The following TBCD variants were observed in gnomAD, a reference collection of about 807,000 sequenced individuals.
The protein encoded by TBCD is tubulin-specific chaperone D.
In TBCD, 105 loss-of-function variants were observed where a neutral mutation model predicts 169.3. That is an observed-to-expected ratio of 0.62 (90% confidence interval 0.53 to 0.73). The LOEUF (loss-of-function observed/expected upper bound fraction) is 0.73, where lower values mean the gene tolerates loss of function less well. Among genes scored for constraint, TBCD ranks in the 30% least tolerant of loss-of-function variants. The pLI, the probability that TBCD is intolerant of heterozygous loss-of-function variation, is 0.00. For synonymous variants in TBCD, 700 were observed against 643.9 expected (o/e 1.09, Z -1.32); for missense variants, 1,444 against 1,600.1 (o/e 0.90, Z 1.66).
chr17:82,856,432 C>A (rs992224556), intron 13 of TBCD, among the ~76,000 whole-genome samples: 4 of 151,712 alleles, frequency 2.6e-5, no homozygotes, highest in African/African-American at 9.7e-5. Flanking sequence ...GATGGTGAGA[C>A]CCTGTCTCTA....
At chr17:82,817,229 C>G (rs901643615) in intron 13 of TBCD, among the ~76,000 whole-genome samples, 1 of 151,564 alleles carries the variant, frequency 6.6e-6, no homozygotes, top group African/African-American at 2.4e-5. Context: ...CTCCTGGGCT[C>G]AAGCCATATT....
intron 2 of TBCD, among the ~76,000 whole-genome samples, chr17:82,760,456 T>TC (rs2047694487): frequency 6.6e-6 from 1 of 152,002 alleles, no homozygotes; most frequent in Non-Finnish European, 1.5e-5. Context: ...TCCTGGAGAC[T>TC]TTTTTTTAGG....
intron 13 of TBCD, among the ~76,000 whole-genome samples, chr17:82,837,261 C>T (rs118047743): frequency 6.4e-4 from 98 of 152,340 alleles, no homozygotes; most frequent in South Asian, 1.4e-3. Context: ...GCCAGTACCT[C>T]AGGCTGTCAC....
At chr17:82,793,028 G>C (rs1008557436) in intron 7 of TBCD, among the ~76,000 whole-genome samples, 1 of 152,092 alleles carries the variant, frequency 6.6e-6, no homozygotes, top group Non-Finnish European at 1.5e-5. Flanking sequence ...CTCCCAAAGC[G>C]CTCGGATTCT....
intron 17 of TBCD, among the ~76,000 whole-genome samples, chr17:82,899,022 C>T (rs993818369): frequency 2.6e-5 from 4 of 152,250 alleles, no homozygotes; most frequent in African/African-American, 7.2e-5. Flanking sequence ...GGCTGCCCCT[C>T]GGGGAAGGTC....
chr17:82,870,779 C>G (rs1377438699), intron 14 of TBCD, among the ~76,000 whole-genome samples: 1 of 152,218 alleles, frequency 6.6e-6, no homozygotes, highest in Non-Finnish European at 1.5e-5. Context: ...TGTGCGTGCT[C>G]CCTGCGGTCG....
chr17:82,794,537 C>G (rs1352837743), intron 7 of TBCD, among the ~76,000 whole-genome samples: 1 of 152,060 alleles, frequency 6.6e-6, no homozygotes, highest in Non-Finnish European at 1.5e-5. Context: ...GGGCTGTGCC[C>G]CCCATTTTAT....
intron 17 of TBCD, among the ~76,000 whole-genome samples, chr17:82,899,742 C>G (rs930643398): frequency 3.3e-5 from 5 of 152,194 alleles, no homozygotes; most frequent in Non-Finnish European, 7.3e-5. Context: ...TGTACTTTCA[C>G]CAGAACGTAT....
At position 82,923,541 on chromosome 17, in the gene TBCD, C is replaced by T. The variant is rs1467556973; in HGVS notation, c.2179-111C>T. On this transcript the variant is annotated intron_variant, in intron 25 of 38. Coordinates refer to ENST00000355528, the MANE Select transcript of TBCD (RefSeq NM_005993.5). The surrounding 1 kb of genome is among the most constrained non-coding windows in gnomAD (Gnocchi z 4.6). Reference sequence around the variant, plus strand: ...GGCTGCTCTGACCTCAGGGTGACCACGGTGTCCCTGGTCAGGTGCTTCTCC... The same window carrying T: ...GGCTGCTCTGACCTCAGGGTGACCATGGTGTCCCTGGTCAGGTGCTTCTCC... 3.8e-5 allele frequency: 33 copies of T among 865,400 alleles called. No homozygotes were observed. The highest frequency in any genetic ancestry group is 5.3e-5 in the Non-Finnish European group (29 of 548,068). 53.6% of individuals were successfully genotyped at this position (865,400 alleles called of 1,614,324 possible).
Position 82,931,734 on chromosome 17 carries a change from C to T in TBCD, c.3114-924C>T, listed in dbSNP as rs2062230451. On this transcript the variant is annotated intron_variant, in intron 33 of 38. Coordinates refer to ENST00000355528, the MANE Select transcript of TBCD (RefSeq NM_005993.5). ...CCAGCTCTCCTGTGTGTTAGTCGGC[C>T]TGTGCTAAAGCTCTCCTGATGCTCC... Among the ~76,000 whole-genome samples, 2 of 152,232 alleles carry T rather than the reference C, an allele frequency of 1.3e-5. 1 individual carries two copies. Among genetic ancestry groups the T allele is most frequent in the African/African-American group, 4.8e-5 (2 of 41,454 alleles).
Position 82,756,365 on chromosome 17 carries a change from A to G in TBCD, c.235+150A>G, listed in dbSNP as rs2047400707. Reference sequence around the variant, plus strand: ...TTGCCTGGCTGGTTGGTTTTAGCCGACCTGTGATAGTGGCTTGAGTTCCAG... The same window carrying G: ...TTGCCTGGCTGGTTGGTTTTAGCCGGCCTGTGATAGTGGCTTGAGTTCCAG... On this transcript the variant is annotated intron_variant, in intron 2 of 38. Coordinates refer to ENST00000355528, the MANE Select transcript of TBCD (RefSeq NM_005993.5). 5 of 770,592 alleles carry G rather than the reference A, an allele frequency of 6.5e-6. No homozygotes were observed. In the Admixed American group the frequency reaches 1.1e-4, roughly 17 times the overall value. The allele number at this position is 770,592 out of a possible 1,614,324, so 47.7% of individuals were successfully genotyped here. A position where few individuals can be genotyped will look rare whatever the true frequency, so the allele number is the denominator to read the frequency against.
At position 82,944,784 on chromosome 17, in the gene TBCD, T is replaced by A. The variant is rs1289807590; in HGVS notation, c.*2321T>A. The A allele has an allele frequency of 2.0e-5, 3 of 152,212 alleles. No individual in the cohort carries two copies. The highest frequency in any genetic ancestry group is 6.5e-5 in the Admixed American group (1 of 15,292). 9.4% of individuals were successfully genotyped at this position (152,212 alleles called of 1,614,324 possible). ...CCTTGGAGATCCTGAGGGTTTCTGCTGAGCCCTGGAATCTAGTCACGCTAT... is the reference window on the plus strand; with the variant it reads ...CCTTGGAGATCCTGAGGGTTTCTGCAGAGCCCTGGAATCTAGTCACGCTAT... On this transcript the variant is annotated 3_prime_UTR_variant, in exon 39 of 39. Coordinates refer to ENST00000355528, the MANE Select transcript of TBCD (RefSeq NM_005993.5).
chr17:82,753,901 T>G (rs2047258492), intron 1 of TBCD, among the ~76,000 whole-genome samples: 1 of 148,980 alleles, frequency 6.7e-6, no homozygotes, highest in Non-Finnish European at 1.5e-5. Flanking sequence ...GGAGTCTCAC[T>G]TTGTCCCCCA....
chr17:82,755,174 A>T (rs778397108), intron 1 of TBCD, among the ~76,000 whole-genome samples: 2 of 152,218 alleles, frequency 1.3e-5, no homozygotes, highest in Non-Finnish European at 2.9e-5. Context: ...GAAAGAGTTT[A>T]TCTGAAGACC....
At chr17:82,787,882 A>G (rs1436637627) in intron 7 of TBCD, among the ~76,000 whole-genome samples, 1 of 152,210 alleles carries the variant, frequency 6.6e-6, no homozygotes, top group African/African-American at 2.4e-5. Context: ...GTTTAGTCCC[A>G]ATTTAAGCAT....
intron 13 of TBCD, among the ~76,000 whole-genome samples, chr17:82,852,294 G>A (rs1231861581): frequency 2.0e-5 from 3 of 152,244 alleles, no homozygotes; most frequent in East Asian, 1.9e-4. Flanking sequence ...GTCCGTGGGC[G>A]ATGCAGCCCC....
intron 9 of TBCD, among the ~76,000 whole-genome samples, chr17:82,802,495 C>G (rs1461105700): frequency 6.6e-6 from 1 of 152,196 alleles, no homozygotes; most frequent in African/African-American, 2.4e-5. Context: ...TCCAGAGAAG[C>G]AGAGCCCATA....
At chr17:82,775,903 T>TA (rs200684153) in intron 6 of TBCD, among the ~76,000 whole-genome samples, 73 of 151,048 alleles carry the variant, frequency 4.8e-4, no homozygotes, top group Middle Eastern at 3.4e-3. Flanking sequence ...ATAAAAAAAT[T>TA]AAAAAAAAAC....
At chr17:82,802,666 C>G (rs1244002409) in intron 9 of TBCD, among the ~76,000 whole-genome samples, 3 of 152,228 alleles carry the variant, frequency 2.0e-5, no homozygotes, top group Non-Finnish European at 2.9e-5. Context: ...AGGGCTTCCC[C>G]CCTCCTCAGG....
Sources: gnomAD v4.1 joint callset for allele counts (sites outside exome capture counted in the v4.1 genomes callset) on GRCh38, gnomAD v4.1.1 for gene constraint, Gnocchi (gnomAD v3.1) non-coding constraint, MANE v1.5 for transcripts, NCBI Gene and HGNC (gene_info 2026-07-23, HGNC 2026-07-21) for gene names.